Variants in AUTS2 observed in about 807,000 individuals in gnomAD.
AUTS2 encodes activator of transcription and developmental regulator AUTS2, also known as autism susceptibility gene 2 protein.
A neutral mutation model predicts 112.4 loss-of-function variants in AUTS2; 17 were observed. That is an observed-to-expected ratio of 0.15 (90% CI 0.10 to 0.23). The LOEUF (loss-of-function observed/expected upper bound fraction) is 0.23, where lower values mean the gene tolerates loss of function less well. AUTS2 is among the 10% of genes least tolerant of loss of function. The probability of loss-of-function intolerance (pLI) is 1.00; values close to 1 mark genes in which losing one functional copy is unlikely to be tolerated. For synonymous variants in AUTS2, 751 were observed against 702.7 expected, an observed-to-expected ratio of 1.07 and a Z score of -1.09; for missense variants, 1,510 against 1,701.6, an observed-to-expected ratio of 0.89 and a Z score of 1.98.
intron 2 of AUTS2, among the ~76,000 whole-genome samples, chr7:70,037,643 CTCT>C (rs1801067699): frequency 6.6e-6 from 1 of 152,064 alleles, no homozygotes; most frequent in East Asian, 1.9e-4. Flanking sequence ...ATACTCACTA[CTCT>C]TCTTTTAGCC....
intron 1 of AUTS2, among the ~76,000 whole-genome samples, chr7:69,766,988 A>G (rs763926671): frequency 1.4e-4 from 21 of 152,190 alleles, no homozygotes; most frequent in Non-Finnish European, 2.8e-4. Context: ...CTTCACTCTG[A>G]CACCCTGCTA....
intron 2 of AUTS2, among the ~76,000 whole-genome samples, chr7:70,076,268 G>A (rs1803027751): frequency 2.0e-5 from 3 of 152,104 alleles, no homozygotes; most frequent in African/African-American, 7.2e-5. Context: ...TAAAGGACAT[G>A]GAAAAGGCTC....
intron 1 of AUTS2, among the ~76,000 whole-genome samples, chr7:69,707,014 T>A (rs369882374): frequency 3.3e-5 from 5 of 152,324 alleles, no homozygotes; most frequent in African/African-American, 1.2e-4. Flanking sequence ...GATGCTTCTC[T>A]TTTCTTGGAA....
intron 2 of AUTS2, among the ~76,000 whole-genome samples, chr7:69,956,916 G>A (rs1284368709): frequency 1.3e-4 from 19 of 149,484 alleles, no homozygotes; most frequent in Admixed American, 1.3e-3. Flanking sequence ...AGGCTGTAAT[G>A]CAGTGGTGTG....
In AUTS2 at chr7:70,018,072, A is replaced by T. The variant is rs533846258; in HGVS notation, c.523-100060A>T. 7.0e-4 allele frequency among the ~76,000 whole-genome samples: 107 copies of T among 152,178 alleles called. 1 individual carries two copies. The highest frequency in any genetic ancestry group is 7.4e-4 in the Non-Finnish European group (50 of 67,994). On this transcript the variant is annotated intron_variant, in intron 2 of 18. Transcript: ENST00000342771. ...TGGTTTCCGTTTCATGAAGCATCCC[A>T]GAATCAAACCATCATTAAGCCTGCC...
chr7:70,647,437 C>T lies in AUTS2; in HGVS notation c.691-51132C>T, dbSNP rs572878121. Among the ~76,000 whole-genome samples the T allele has an allele frequency of 3.1e-4, 47 of 152,296 alleles. No homozygotes were observed. In the Middle Eastern group the frequency reaches 0.01, roughly 33 times the overall value. ...CTCTCTGTGCTTTGTAGCCTGAGTC[C>T]CTGTGAGGAGTGGTTTGCTTTGAAA... On this transcript the variant is annotated intron_variant, in intron 5 of 18. Transcript: ENST00000342771.
At chr7:70,479,112 A>C (rs1177796335) in intron 5 of AUTS2, among the ~76,000 whole-genome samples, 1 of 152,168 alleles carries the variant, frequency 6.6e-6, no homozygotes, top group Admixed American at 6.5e-5. Flanking sequence ...AGTACCTTAG[A>C]ACCATTTTTA....
intron 5 of AUTS2, among the ~76,000 whole-genome samples, chr7:70,666,832 G>C (rs1215002199): frequency 6.6e-6 from 1 of 151,950 alleles, no homozygotes; most frequent in African/African-American, 2.4e-5. Context: ...CCCTAGGGCT[G>C]ATTGTGTTCC....
intron 1 of AUTS2, among the ~76,000 whole-genome samples, chr7:69,787,454 A>C (rs1789427763): frequency 6.6e-6 from 1 of 152,242 alleles, no homozygotes; most frequent in South Asian, 2.1e-4. Flanking sequence ...TGGCGAGACG[A>C]GTAGAGCAAG....
At chr7:69,617,729 A>T (rs183338569) in intron 1 of AUTS2, among the ~76,000 whole-genome samples, 4 of 152,298 alleles carry the variant, frequency 2.6e-5, no homozygotes, top group Non-Finnish European at 5.9e-5. Flanking sequence ...GTAGCTTCTC[A>T]TTGTACCTTG....
At chr7:70,144,087 A>G (rs189700842) in intron 4 of AUTS2, among the ~76,000 whole-genome samples, 213 of 152,080 alleles carry the variant, frequency 1.4e-3, no homozygotes, top group Non-Finnish European at 2.5e-3. Context: ...GTGCTGTGCC[A>G]TATTTCTCTT....
chr7:70,003,057 T>A (rs943290924), intron 2 of AUTS2, among the ~76,000 whole-genome samples: 2 of 149,036 alleles, frequency 1.3e-5, no homozygotes, highest in African/African-American at 4.9e-5. Context: ...TTTCAAAGAG[T>A]AGGGAAGTTT....
chr7:70,186,447 C>CT (rs979538182), intron 4 of AUTS2, among the ~76,000 whole-genome samples: 15 of 151,828 alleles, frequency 9.9e-5, no homozygotes, highest in African/African-American at 3.4e-4. Flanking sequence ...ATATTTTTGG[C>CT]TTTTTTTAAT....
At chr7:70,315,912 A>G (rs1789972875) in intron 4 of AUTS2, among the ~76,000 whole-genome samples, 1 of 152,156 alleles carries the variant, frequency 6.6e-6, no homozygotes. Flanking sequence ...TCTCCCTGAA[A>G]TTGTACATAT....
chr7:70,075,467 T>G (rs1367213106), intron 2 of AUTS2, among the ~76,000 whole-genome samples: 2 of 152,186 alleles, frequency 1.3e-5, no homozygotes, highest in Admixed American at 1.3e-4. Context: ...GAACTACATG[T>G]ATTTTATGAA....
In AUTS2 at chr7:70,764,983, C is replaced by T. The variant is rs755576516; in HGVS notation, c.1446C>T (p.His482=). ...CAGGAAGTCTGCAGGTGGCCGGACA[C>T]CCGGCCGGGAGCACTTACTCAGGTA... The part of the protein sequence containing the change: ...LTSGSLQVAG[H]PAGSTYSEQD... Residue 482 remains histidine (H), a synonymous_variant, in exon 8 of 19, where the codon CAC becomes CAT. Transcript: ENST00000342771. The T allele has an allele frequency of 3.1e-6, 5 of 1,613,838 alleles. No individual in the cohort carries two copies. The highest frequency in any genetic ancestry group is 3.4e-6 in the Non-Finnish European group (4 of 1,179,998).
chr7:70,471,472 T>G (rs998885794), intron 5 of AUTS2, among the ~76,000 whole-genome samples: 6 of 152,200 alleles, frequency 3.9e-5, no homozygotes, highest in African/African-American at 1.4e-4. Context: ...TAAGAAAATT[T>G]TCAGTTGTGT....
chr7:69,681,124 A>G (rs548303619), intron 1 of AUTS2, among the ~76,000 whole-genome samples: 7 of 152,034 alleles, frequency 4.6e-5, no homozygotes, highest in Admixed American at 4.6e-4. Context: ...CATTGAATGT[A>G]TATACCACAT....
chr7:69,773,853 C>T (rs966024226), intron 1 of AUTS2, among the ~76,000 whole-genome samples: 3 of 152,250 alleles, frequency 2.0e-5, no homozygotes, highest in Non-Finnish European at 2.9e-5. Flanking sequence ...GTCAGCTCTC[C>T]TCCCTGGTGG....
Sources: allele counts gnomAD v4.1 joint callset (sites outside exome capture counted in the v4.1 genomes callset), GRCh38; gene constraint gnomAD v4.1.1; transcripts MANE v1.5; gene names NCBI Gene and HGNC (gene_info 2026-07-23, HGNC 2026-07-21).